The following SEC31A variants were observed in gnomAD, a reference collection of about 807,000 sequenced individuals.
SEC31A encodes protein transport protein Sec31A.
SEC31A carries 70 observed loss-of-function variants against 151.0 expected under a neutral mutation model. The observed-to-expected ratio is 0.46, with a 90% CI of 0.38 to 0.57. The LOEUF (loss-of-function observed/expected upper bound fraction) is 0.57, where lower values mean the gene tolerates loss of function less well. SEC31A is among the 20% of genes least tolerant of loss of function. The probability of loss-of-function intolerance (pLI) is 0.00; values close to 1 mark genes in which losing one functional copy is unlikely to be tolerated. For synonymous variants in SEC31A, 475 were observed against 505.9 expected, an observed-to-expected ratio of 0.94 and a Z score of 0.82; for missense variants, 1,330 against 1,471.2, an observed-to-expected ratio of 0.90 and a Z score of 1.57.
At chr4:82,872,187 A>AT in intron 6 of SEC31A, 101 bp from the exon 7 acceptor site, 1 of 873,032 alleles carries the variant, frequency 1.1e-6, no homozygotes, top group Admixed American at 2.5e-5. Flanking sequence ...AGTGAAAAAC[A>AT]TCAGCTGTGG....
intron 16 of SEC31A, among the ~76,000 whole-genome samples, chr4:82,855,412 G>C (rs1046565600): frequency 2.0e-5 from 3 of 152,198 alleles, no homozygotes; most frequent in Admixed American, 1.3e-4. Flanking sequence ...GGGAACGACA[G>C]ATGCAAAGTT....
At chr4:82,870,557 GC>G in intron 7 of SEC31A, 133 bp from the exon 8 acceptor site, 1 of 699,950 alleles carries the variant, frequency 1.4e-6, no homozygotes, top group Non-Finnish European at 2.4e-6. Flanking sequence ...TCAGCGCCGG[GC>G]GCATTGGCTC....
chr4:82,868,830 G>A (rs1306206144), intron 8 of SEC31A, among the ~76,000 whole-genome samples: 1 of 152,022 alleles, frequency 6.6e-6, no homozygotes, highest in Non-Finnish European at 1.5e-5. Flanking sequence ...CGAGTGGCTA[G>A]GACTACAGAA....
chr4:82,827,247 T>A, intron 24 of SEC31A, 122 bp downstream of exon 24: 1 of 1,148,256 alleles, frequency 8.7e-7, no homozygotes, highest in Non-Finnish European at 1.2e-6. Flanking sequence ...AAAGTTACTA[T>A]TTTTTGTTTA....
chr4:82,829,853 A>C (rs999808800), intron 22 of SEC31A, among the ~76,000 whole-genome samples: 7 of 152,250 alleles, frequency 4.6e-5, no homozygotes, highest in Non-Finnish European at 1.0e-4. Context: ...AGTATCTTTA[A>C]AGAGGAAAGG....
intron 24 of SEC31A, among the ~76,000 whole-genome samples, chr4:82,826,482 T>C (rs1449706732): frequency 6.6e-6 from 1 of 152,132 alleles, no homozygotes; most frequent in Non-Finnish European, 1.5e-5. Context: ...GCCTCCCGAG[T>C]AGCTGGGACT....
At chr4:82,854,820 T>G in intron 17 of SEC31A, 83 bp downstream of exon 17, 1 of 1,323,348 alleles carries the variant, frequency 7.6e-7, no homozygotes, top group Non-Finnish European at 9.9e-7. Context: ...AAAAAGTTTC[T>G]AATAAAATTT....
upstream of SEC31A, among the ~76,000 whole-genome samples, chr4:82,891,768 A>G (rs1415902174): frequency 6.6e-6 from 1 of 152,190 alleles, no homozygotes; most frequent in African/African-American, 2.4e-5. Context: ...TTACTATCCC[A>G]TGGTATTGAG....
chr4:82,858,084 C>A (rs1733094253), intron 14 of SEC31A: 1 of 210,280 alleles, frequency 4.8e-6, no homozygotes. Context: ...TCGGGACCAG[C>A]CATGCCCAAC....
At chr4:82,879,370 T>TG (rs1738736599) in intron 3 of SEC31A, among the ~76,000 whole-genome samples, 1 of 26,622 alleles carries the variant, frequency 3.8e-5, no homozygotes, top group Non-Finnish European at 1.1e-4. Context: ...GACCTTTGTC[T>TG]GAAAAAAAAA....
At chr4:82,872,828 C>T (rs944158577) in intron 6 of SEC31A, among the ~76,000 whole-genome samples, 1 of 152,064 alleles carries the variant, frequency 6.6e-6, no homozygotes, top group African/African-American at 2.4e-5. Flanking sequence ...GCTTCAGCTT[C>T]CCAATAGCTG....
intron 23 of SEC31A, among the ~76,000 whole-genome samples, chr4:82,828,213 G>A (rs1470771338): frequency 6.6e-6 from 1 of 152,094 alleles, no homozygotes; most frequent in African/African-American, 2.4e-5. Context: ...TTTTGAAAGA[G>A]GGTATCAGGT....
At chr4:82,865,860 A>G (rs1735251250) in intron 10 of SEC31A, among the ~76,000 whole-genome samples, 1 of 152,150 alleles carries the variant, frequency 6.6e-6, no homozygotes, top group African/African-American at 2.4e-5. Context: ...GATCTGTTGC[A>G]CAACAACGTG....
chr4:82,846,552 C>T (rs1431258975), intron 20 of SEC31A, among the ~76,000 whole-genome samples: 1 of 151,834 alleles, frequency 6.6e-6, no homozygotes, highest in Non-Finnish European at 1.5e-5. Context: ...ATCCCTGAGA[C>T]ATCAAGACCA....
At chr4:82,826,295 G>C (rs1035438479) in intron 24 of SEC31A, among the ~76,000 whole-genome samples, 4 of 151,654 alleles carry the variant, frequency 2.6e-5, no homozygotes, top group African/African-American at 9.7e-5. Flanking sequence ...TCTCATCTTT[G>C]TCAAAATGTT....
rs974149197 is a variant in SEC31A at position 82,818,670 on chromosome 4, A to T, written c.*404T>A. The T allele has an allele frequency of 6.5e-6, 1 of 154,186 alleles. No individual in the cohort carries two copies. The highest frequency in any genetic ancestry group is 1.4e-5 in the Non-Finnish European group (1 of 69,436). 9.6% of individuals were successfully genotyped at this position (154,186 alleles called of 1,614,324 possible). On this transcript the variant is annotated 3_prime_UTR_variant, in exon 27 of 27. Coordinates refer to ENST00000395310, the MANE Select transcript of SEC31A (RefSeq NM_001077207.4). ...CTATACACACATAAAATAGGATTAC[A>T]CACTTTAATCTGATTGACACTGAGG...
At position 82,844,516 on chromosome 4, in the gene SEC31A, A is replaced by G. The variant is rs747619558; in HGVS notation, c.2503-7T>C. ...GAGGTGGAGGATTTTCTCCCTAAGA[A>G]ACAAGAACATGGTAAGAAGGCGGAT... On this transcript the variant is annotated splice_polypyrimidine_tract_variant and splice_region_variant and intron_variant, in intron 20 of 26. Coordinates refer to ENST00000395310, the MANE Select transcript of SEC31A (RefSeq NM_001077207.4). The G allele has an allele frequency of 1.2e-6, 2 of 1,613,070 alleles. No homozygotes were observed. The highest frequency in any genetic ancestry group is 4.5e-5 in the East Asian group (2 of 44,848).
intron 23 of SEC31A, 106 bp downstream of exon 23, chr4:82,828,894 A>G (rs993168598): frequency 8.7e-6 from 7 of 808,182 alleles, no homozygotes; most frequent in African/African-American, 8.5e-5. Flanking sequence ...TACATCACTC[A>G]GTAAGCTTCG....
chr4:82,867,899 C>T (rs1213331938), intron 8 of SEC31A, among the ~76,000 whole-genome samples: 1 of 152,240 alleles, frequency 6.6e-6, no homozygotes, highest in Non-Finnish European at 1.5e-5. Flanking sequence ...TCCCAAAGTG[C>T]TGGGATTACA....
Sources: gnomAD v4.1 joint callset for allele counts (sites outside exome capture counted in the v4.1 genomes callset) on GRCh38, gnomAD v4.1.1 for gene constraint, MANE v1.5 for transcripts, NCBI Gene and HGNC (gene_info 2026-07-23, HGNC 2026-07-21) for gene names.